IPO9: variants seen among roughly 807,000 people sequenced by gnomAD.
IPO9 encodes the protein importin 9.
A neutral mutation model predicts 128.6 loss-of-function variants in IPO9; 28 were observed. The ratio of observed to expected loss-of-function variants is 0.22; its 90% CI spans 0.16 to 0.30. The LOEUF is 0.30. Among genes scored for constraint, IPO9 ranks in the 10% least tolerant of loss-of-function variants. The pLI is 1.00. For missense variants in IPO9, 935 were observed against 1,293.9 expected (o/e 0.72, Z 4.26); for synonymous variants, 455 against 475.8 (o/e 0.96, Z 0.57).
Position 201,848,489 on chromosome 1 carries a change from C to T in IPO9, c.409C>T (p.His137Tyr), listed in dbSNP as rs1210432980. The change falls in exon 4 of 24, where the codon CAC becomes TAC. Residue 137 changes from histidine (H) to tyrosine (Y), a missense_variant. By Grantham distance (83) the His-to-Tyr change is moderately conservative. Coordinates refer to ENST00000361565, the MANE Select transcript of IPO9 (RefSeq NM_018085.5). ...GGCCTATGCAGTGTCAGCCATTGCC[C>T]ACTGGGACTGGCCTGAAGCTTGGCC... is the stretch of plus-strand genomic sequence containing the variant. The part of the protein sequence containing the change: ...SVAYAVSAIA[H>Y]WDWPEAWPQL... The T allele has an allele frequency of 1.2e-6, 2 of 1,614,068 alleles. No homozygotes were observed. Among genetic ancestry groups the T allele is most frequent in the Non-Finnish European group, 1.7e-6 (2 of 1,180,032 alleles).
intron 14 of IPO9, among the ~76,000 whole-genome samples, chr1:201,866,477 C>CAA (rs5780091): frequency 2.1e-3 from 302 of 142,318 alleles, no homozygotes; most frequent in Middle Eastern, 7.2e-3. Flanking sequence ...TTTCAGGATG[C>CAA]AAAAAAAAAA....
chr1:201,839,290 C>G (rs1031148066), intron 1 of IPO9, among the ~76,000 whole-genome samples: 7 of 151,972 alleles, frequency 4.6e-5, no homozygotes, highest in Non-Finnish European at 1.0e-4. Context: ...AGTCTCAGCT[C>G]ACTGCAACAT....
chr1:201,854,537 T>C, intron 6 of IPO9, 58 bp from the exon 7 acceptor site: 2 of 1,596,710 alleles, frequency 1.3e-6, no homozygotes, highest in East Asian at 4.5e-5. Context: ...TTGATATATA[T>C]GTGTTGAAGC....
At chr1:201,837,213 C>T (rs1679957292) in intron 1 of IPO9, among the ~76,000 whole-genome samples, 1 of 152,084 alleles carries the variant, frequency 6.6e-6, no homozygotes, top group South Asian at 2.1e-4. Context: ...TGATAGGTTA[C>T]CAGACATGAT....
At chr1:201,860,614 CAA>C (rs1406896121) in intron 13 of IPO9, among the ~76,000 whole-genome samples, 1 of 152,128 alleles carries the variant, frequency 6.6e-6, no homozygotes, top group Non-Finnish European at 1.5e-5. Context: ...GAAAAAGGCT[CAA>C]TATATATCAT....
intron 6 of IPO9, among the ~76,000 whole-genome samples, chr1:201,854,044 T>A (rs866795026): frequency 6.6e-6 from 1 of 152,132 alleles, no homozygotes; most frequent in Non-Finnish European, 1.5e-5. Flanking sequence ...CCTAATGAAT[T>A]TATATTTGTA....
At chr1:201,875,527 C>A (rs1680744758) in intron 23 of IPO9, among the ~76,000 whole-genome samples, 1 of 151,466 alleles carries the variant, frequency 6.6e-6, no homozygotes, top group African/African-American at 2.4e-5. Context: ...GAGGTCAAGG[C>A]TGCAGTGAGC....
Position 201,874,316 on chromosome 1 carries a change from CCAA to C in IPO9, c.2779_2781del (p.Asn927del). ...CTAAAGCTGATCATCAACGAGCTCT[CCAA>C]CGTCATGGAGGCTAATGCCGCTCGC... On this transcript the variant is annotated inframe_deletion, in exon 21 of 24. Coordinates refer to ENST00000361565, the MANE Select transcript of IPO9 (RefSeq NM_018085.5). 1 of 1,614,040 alleles carries C rather than the reference CCAA, an allele frequency of 6.2e-7. No homozygotes were observed. Among genetic ancestry groups the C allele is most frequent in the Non-Finnish European group, 8.5e-7 (1 of 1,179,928 alleles).
chr1:201,837,673 T>G (rs1025183444), intron 1 of IPO9, among the ~76,000 whole-genome samples: 1 of 152,252 alleles, frequency 6.6e-6, no homozygotes, highest in Non-Finnish European at 1.5e-5. Context: ...GATCTTGTTT[T>G]AGTTTGTCCC....
Position 201,865,562 on chromosome 1 carries a change from G to A in IPO9, c.1629-1171G>A, listed in dbSNP as rs1021695215. Among the ~76,000 whole-genome samples the A allele has an allele frequency of 5.3e-5, 8 of 152,002 alleles. No individual in the cohort carries two copies. The East Asian group carries it at 5.8e-4, about 11-fold the overall frequency. ...ACCTTTTAATGATCAGCATTCCACC[G>A]TTGCTTTTCTTTTTTTCTTTAGCCC... On this transcript the variant is annotated intron_variant, in intron 14 of 23. Coordinates refer to ENST00000361565, the MANE Select transcript of IPO9 (RefSeq NM_018085.5).
intron 1 of IPO9, among the ~76,000 whole-genome samples, chr1:201,845,784 A>G (rs1025997850): frequency 6.6e-6 from 1 of 152,200 alleles, no homozygotes; most frequent in Non-Finnish European, 1.5e-5. Flanking sequence ...GCCACATTAC[A>G]GGTACTTAGT....
At chr1:201,837,957 C>A (rs996017479) in intron 1 of IPO9, among the ~76,000 whole-genome samples, 2 of 152,190 alleles carry the variant, frequency 1.3e-5, no homozygotes, top group South Asian at 4.1e-4. Flanking sequence ...GTAATCCCAG[C>A]CACTCGGGAG....
chr1:201,853,227 T>A (rs1043863866), intron 6 of IPO9, 130 bp downstream of exon 6: 2 of 728,260 alleles, frequency 2.7e-6, no homozygotes, highest in African/African-American at 3.6e-5. Flanking sequence ...TTAACATTTT[T>A]ATTAAATTAT....
chr1:201,858,335 G>A, intron 11 of IPO9, 112 bp from the exon 12 acceptor site: 1 of 524,092 alleles, frequency 1.9e-6, no homozygotes, highest in Non-Finnish European at 3.4e-6. Context: ...GTTTGCACAT[G>A]TATGTGAAAG....
intron 1 of IPO9, 102 bp downstream of exon 1, chr1:201,829,474 T>C: frequency 1.6e-6 from 2 of 1,227,880 alleles, no homozygotes; most frequent in Non-Finnish European, 1.1e-6. Flanking sequence ...CAGTTGGAGA[T>C]GTGGGCGCCG....
chr1:201,829,517 G>C, intron 1 of IPO9, 145 bp downstream of exon 1: 2 of 842,982 alleles, frequency 2.4e-6, no homozygotes, highest in East Asian at 6.8e-5. Context: ...GATTGATGTC[G>C]CTGGTGGTTG....
At chr1:201,867,610 A>T (rs1369489930) in intron 15 of IPO9, among the ~76,000 whole-genome samples, 5 of 144,140 alleles carry the variant, frequency 3.5e-5, no homozygotes, top group Non-Finnish European at 5.9e-5. Context: ...GGTATGTTTT[A>T]AAAAAAAATA....
chr1:201,840,680 T>C (rs1680019815), intron 1 of IPO9, among the ~76,000 whole-genome samples: 1 of 152,224 alleles, frequency 6.6e-6, no homozygotes, highest in African/African-American at 2.4e-5. Flanking sequence ...ATGGTATATC[T>C]ACATATATTA....
intron 16 of IPO9, among the ~76,000 whole-genome samples, chr1:201,869,262 G>A (rs1484471804): frequency 1.3e-5 from 2 of 152,112 alleles, no homozygotes; most frequent in African/African-American, 2.4e-5. Flanking sequence ...AAGAAAGAAA[G>A]AAAGAAAATG....
Sources: allele counts gnomAD v4.1 joint callset (sites outside exome capture counted in the v4.1 genomes callset), GRCh38; gene constraint gnomAD v4.1.1; transcripts MANE v1.5; gene names NCBI Gene and HGNC (gene_info 2026-07-23, HGNC 2026-07-21).